KCNK2: variants seen among roughly 807,000 people sequenced by gnomAD.
The protein encoded by KCNK2 is potassium channel subfamily K member 2.
In KCNK2, 21 loss-of-function variants were observed where a neutral mutation model predicts 40.5. The ratio of observed to expected loss-of-function variants is 0.52; its 90% CI spans 0.37 to 0.75. The LOEUF is 0.75. KCNK2 is among the 30% of genes least tolerant of loss of function. The pLI, the probability that KCNK2 is intolerant of heterozygous loss-of-function variation, is 0.00. For missense variants in KCNK2, 399 were observed against 531.6 expected (o/e 0.75, Z 2.45); for synonymous variants, 191 against 202.2 (o/e 0.94, Z 0.47).
At chr1:215,183,322 C>T (rs772856106) in intron 5 of KCNK2, among the ~76,000 whole-genome samples, 1 of 152,112 alleles carries the variant, frequency 6.6e-6, no homozygotes, top group Non-Finnish European at 1.5e-5. Context: ...AGAAGAAGTT[C>T]TTGGCTACGT....
chr1:215,148,085 T>C (rs1316812289), intron 3 of KCNK2, among the ~76,000 whole-genome samples: 7 of 141,854 alleles, frequency 4.9e-5, no homozygotes, highest in African/African-American at 1.8e-4. Context: ...TTTTCCTTTT[T>C]TTTTTTTTTT....
chr1:215,093,861 T>A (rs866444568), intron 2 of KCNK2, among the ~76,000 whole-genome samples: 658 of 34,604 alleles, frequency 0.019, 45 homozygotes, highest in African/African-American at 0.046. Flanking sequence ...ATATTATATA[T>A]AAAAATATAT....
At chr1:215,014,405 A>T (rs1479438847) in intron 1 of KCNK2, among the ~76,000 whole-genome samples, 1 of 151,504 alleles carries the variant, frequency 6.6e-6, no homozygotes, top group Admixed American at 6.6e-5. Flanking sequence ...GCTTGGTGTC[A>T]GTGTATTGAT....
chr1:215,108,520 A>T (rs1364165546), intron 2 of KCNK2, among the ~76,000 whole-genome samples: 1 of 152,086 alleles, frequency 6.6e-6, no homozygotes, highest in Non-Finnish European at 1.5e-5. Context: ...TGTTTGACAT[A>T]GTCCTATTAA....
chr1:215,087,039 T>G (rs1659477186), intron 2 of KCNK2, among the ~76,000 whole-genome samples: 2 of 152,268 alleles, frequency 1.3e-5, no homozygotes, highest in African/African-American at 2.4e-5. Flanking sequence ...GTTACCACGC[T>G]GAAGGTCCTC....
At chr1:215,164,778 G>A (rs1398704198) in intron 3 of KCNK2, among the ~76,000 whole-genome samples, 1 of 152,116 alleles carries the variant, frequency 6.6e-6, no homozygotes, top group Non-Finnish European at 1.5e-5. Flanking sequence ...GGAACATTCT[G>A]TACTTTCTGT....
intron 3 of KCNK2, among the ~76,000 whole-genome samples, chr1:215,128,499 CT>C (rs1259165519): frequency 1.3e-5 from 2 of 152,040 alleles, no homozygotes; most frequent in Non-Finnish European, 2.9e-5. Context: ...TATGAAATGA[CT>C]GAAGAATAAC....
intron 1 of KCNK2, among the ~76,000 whole-genome samples, chr1:215,038,248 C>T (rs146337465): frequency 2.5e-4 from 38 of 152,208 alleles, no homozygotes; most frequent in Admixed American, 5.9e-4. Flanking sequence ...CTATGGTAGT[C>T]CTCATTCATT....
chr1:215,207,201 C>T (rs141925602), intron 6 of KCNK2, among the ~76,000 whole-genome samples: 7 of 152,250 alleles, frequency 4.6e-5, no homozygotes, highest in East Asian at 1.9e-4. Context: ...GGATCCAGGC[C>T]GCACAGCAGG....
At chr1:215,139,637 G>C (rs773819177) in intron 3 of KCNK2, among the ~76,000 whole-genome samples, 1 of 152,122 alleles carries the variant, frequency 6.6e-6, no homozygotes, top group African/African-American at 2.4e-5. Flanking sequence ...TACAAAATTA[G>C]CTGGACTTGG....
At chr1:215,044,435 G>C (rs1318682521) in intron 1 of KCNK2, among the ~76,000 whole-genome samples, 5 of 152,076 alleles carry the variant, frequency 3.3e-5, no homozygotes, top group Non-Finnish European at 7.4e-5. Flanking sequence ...ATTGATGAAA[G>C]TACGTGGGAT....
At chr1:215,142,911 T>A (rs1662245660) in intron 3 of KCNK2, among the ~76,000 whole-genome samples, 1 of 152,136 alleles carries the variant, frequency 6.6e-6, no homozygotes, top group Non-Finnish European at 1.5e-5. Flanking sequence ...GGATGAAGGA[T>A]GTAATCTGAG....
chr1:215,010,080 A>G (rs1170616565), intron 1 of KCNK2, among the ~76,000 whole-genome samples: 1 of 152,174 alleles, frequency 6.6e-6, no homozygotes, highest in Non-Finnish European at 1.5e-5. Context: ...CTTAATAGGA[A>G]TAGATTTTGA....
At chr1:215,156,980 G>A (rs1371833457) in intron 3 of KCNK2, among the ~76,000 whole-genome samples, 3 of 152,144 alleles carry the variant, frequency 2.0e-5, no homozygotes, top group African/African-American at 7.2e-5. Context: ...GAACCTGGGA[G>A]GTGGAGGTTG....
chr1:215,123,761 C>T (rs900519984), intron 2 of KCNK2, among the ~76,000 whole-genome samples: 1 of 152,066 alleles, frequency 6.6e-6, no homozygotes, highest in Non-Finnish European at 1.5e-5. Context: ...TAAAGATCTC[C>T]AAAGCTATAT....
chr1:215,078,346 G>T (rs1204172578), upstream of KCNK2, among the ~76,000 whole-genome samples: 7 of 152,148 alleles, frequency 4.6e-5, no homozygotes, highest in Non-Finnish European at 1.0e-4. Context: ...AACTGAATTG[G>T]TCTGTTCTCA....
In KCNK2 at chr1:215,158,711, T is replaced by C. The variant is rs150946095; in HGVS notation, c.476-10488T>C. On this transcript the variant is annotated intron_variant, in intron 3 of 6. Coordinates refer to ENST00000444842, the MANE Select transcript of KCNK2 (RefSeq NM_001017425.3). Reference sequence around the variant, plus strand: ...ATGACTGTAGAGACATTTGTCGTCTTATGCAAAAACAAACAAACAAACAAA... The same window carrying C: ...ATGACTGTAGAGACATTTGTCGTCTCATGCAAAAACAAACAAACAAACAAA... 6.0e-4 allele frequency among the ~76,000 whole-genome samples: 91 copies of C among 152,266 alleles called. No individual in the cohort carries two copies. The East Asian group carries it at 0.012, about 21-fold the overall frequency.
intron 1 of KCNK2, among the ~76,000 whole-genome samples, chr1:215,030,035 C>T (rs930106147): frequency 1.3e-5 from 2 of 152,160 alleles, no homozygotes; most frequent in African/African-American, 2.4e-5. Context: ...CAGAAATGAA[C>T]AAGAGTTCTT....
intron 3 of KCNK2, among the ~76,000 whole-genome samples, chr1:215,167,785 T>G (rs1049791154): frequency 1.2e-4 from 18 of 152,186 alleles, no homozygotes; most frequent in Non-Finnish European, 2.5e-4. Flanking sequence ...GAAAGCTTTA[T>G]AGTCAACAGG....
Sources: gnomAD v4.1 joint callset for allele counts (sites outside exome capture counted in the v4.1 genomes callset) on GRCh38, gnomAD v4.1.1 for gene constraint, MANE v1.5 for transcripts, NCBI Gene and HGNC (gene_info 2026-07-23, HGNC 2026-07-21) for gene names.